The following CDC42 variants were observed in gnomAD, a reference collection of about 807,000 sequenced individuals.
CDC42 encodes cell division control protein 42 homolog.
CDC42 carries 1 observed loss-of-function variant against 20.8 expected under a neutral mutation model. That is an observed-to-expected ratio of 0.05 (90% CI 0.02 to 0.23). The LOEUF (loss-of-function observed/expected upper bound fraction) is 0.23. Ranked by LOEUF, CDC42 falls within the 10% of genes least tolerant of loss-of-function variation. The pLI is 1.00. For missense variants in CDC42, 49 were observed against 227.9 expected (o/e 0.21, Z 5.05); for synonymous variants, 72 against 84.8 (o/e 0.85, Z 0.83).
rs1404317396 is a variant in CDC42 at position 22,061,528 on chromosome 1, C to CTTTTTTTTTTTT, written c.-51+8789_-51+8790insTTTTTTTTTTTT. 7.0e-5 allele frequency among the ~76,000 whole-genome samples: 6 copies of CTTTTTTTTTTTT among 86,306 alleles called. 3 individuals carry two copies. The highest frequency in any genetic ancestry group is 1.8e-4 in the African/African-American group (4 of 22,406). 56.6% of individuals were successfully genotyped at this position (86,306 alleles called of 152,430 possible). A position where few individuals can be genotyped will look rare whatever the true frequency, so the allele number is the denominator to read the frequency against. ...GGTCAATCAGTTTAACTTCATGTTT[C>CTTTTTTTTTTTT]TTTCTTTTTTTTTTTTTTTTTTTTT... On this transcript the variant is annotated intron_variant, in intron 1 of 5. Coordinates refer to ENST00000656825, the MANE Select transcript of CDC42 (RefSeq NM_001791.4).
At position 22,099,814 on chromosome 1, in the gene CDC42, G is replaced by A. The variant is rs1645778549; in HGVS notation, c.*8297G>A. The stretch of plus-strand genomic sequence containing the variant: ...TATTCTCTACATGGCACTCTTTTAA[G>A]CCTTTGTGTGAATTAACTCAGTCTT... On this transcript the variant is annotated 3_prime_UTR_variant, in exon 6 of 6. Transcript: ENST00000656825. Among the ~76,000 whole-genome samples the A allele has an allele frequency of 6.6e-6, 1 of 151,996 alleles. No homozygotes were observed. Among genetic ancestry groups the A allele is most frequent in the African/African-American group, 2.4e-5 (1 of 41,372 alleles).
At chr1:22,055,321 G>T (rs925918669) in intron 1 of CDC42, among the ~76,000 whole-genome samples, 2 of 151,654 alleles carry the variant, frequency 1.3e-5, no homozygotes, top group Non-Finnish European at 2.9e-5. Context: ...GAATGAGCTC[G>T]TTTTCAGTAA....
chr1:22,076,715 A>C (rs1008738702), intron 1 of CDC42, among the ~76,000 whole-genome samples: 1 of 152,184 alleles, frequency 6.6e-6, no homozygotes, highest in Non-Finnish European at 1.5e-5. Context: ...TTTTAGATTT[A>C]ACCAGTAATT....
At chr1:22,075,066 C>T (rs764631897) in intron 1 of CDC42, among the ~76,000 whole-genome samples, 9 of 152,188 alleles carry the variant, frequency 5.9e-5, no homozygotes, top group Non-Finnish European at 1.5e-5. Flanking sequence ...GGTAAACTGG[C>T]TGTCATCTCT....
At chr1:22,055,624 G>C (rs1645296555) in intron 1 of CDC42, among the ~76,000 whole-genome samples, 1 of 151,788 alleles carries the variant, frequency 6.6e-6, no homozygotes, top group Non-Finnish European at 1.5e-5. Flanking sequence ...GCAGTAGCTG[G>C]GACTACGGTG....
intron 1 of CDC42, among the ~76,000 whole-genome samples, chr1:22,060,817 A>G (rs1223471193): frequency 6.6e-6 from 1 of 152,180 alleles, no homozygotes; most frequent in African/African-American, 2.4e-5. Context: ...CATTTTTATT[A>G]TAGGGTTTAA....
chr1:22,095,070 A>G lies in CDC42; in HGVS notation c.*3553A>G, dbSNP rs538519325. Among the ~76,000 whole-genome samples, 15 of 152,286 alleles carry G rather than the reference A, an allele frequency of 9.8e-5. No homozygotes were observed. In the East Asian group the frequency reaches 2.7e-3, roughly 27 times the overall value. Reference sequence around the variant, plus strand: ...TTATATAACTGTGGGGCAAGGGACAACATTTCACCAGGAAGTAGCAACTCC... The same window carrying G: ...TTATATAACTGTGGGGCAAGGGACAGCATTTCACCAGGAAGTAGCAACTCC... On this transcript the variant is annotated 3_prime_UTR_variant, in exon 6 of 6. Coordinates refer to ENST00000656825, the MANE Select transcript of CDC42 (RefSeq NM_001791.4).
At chr1:22,069,395 C>G (rs999587425) in intron 1 of CDC42, among the ~76,000 whole-genome samples, 2 of 151,996 alleles carry the variant, frequency 1.3e-5, no homozygotes, top group South Asian at 2.1e-4. Context: ...AGATTGGTCT[C>G]GAACTCCTGA....
chr1:22,073,048 T>C (rs916281633), intron 1 of CDC42, among the ~76,000 whole-genome samples: 2 of 152,202 alleles, frequency 1.3e-5, no homozygotes, highest in African/African-American at 4.8e-5. Context: ...CATTTGTAGC[T>C]GGGAGTATCC....
chr1:22,061,709 A>G (rs1158049417), intron 1 of CDC42, among the ~76,000 whole-genome samples: 2 of 149,264 alleles, frequency 1.3e-5, no homozygotes, highest in African/African-American at 2.5e-5. Flanking sequence ...ATGCCCGGCT[A>G]ATTTTTGTAT....
intron 5 of CDC42, among the ~76,000 whole-genome samples, chr1:22,089,508 A>G (rs1645694662): frequency 6.6e-6 from 1 of 152,190 alleles, no homozygotes; most frequent in African/African-American, 2.4e-5. Flanking sequence ...CACTTTTTAA[A>G]TGTCTGAACC....
rs1440827248 is a variant in CDC42 at position 22,086,556 on chromosome 1, G to C, written c.288+8G>C. ...GAAAACGTGAAAGAAAAGGTAAGCTGATCAGATACTCTTGCCCTAAGAAGA... is the reference window on the plus strand; with the variant it reads ...GAAAACGTGAAAGAAAAGGTAAGCTCATCAGATACTCTTGCCCTAAGAAGA... On this transcript the variant is annotated splice_region_variant and intron_variant, in intron 4 of 5. Transcript: ENST00000656825. The C allele has an allele frequency of 1.3e-6, 2 of 1,597,434 alleles. No individual in the cohort carries two copies. The highest frequency in any genetic ancestry group is 1.7e-6 in the Non-Finnish European group (2 of 1,165,548).
At chr1:22,059,994 A>C (rs1297678184) in intron 1 of CDC42, among the ~76,000 whole-genome samples, 1 of 152,162 alleles carries the variant, frequency 6.6e-6, no homozygotes, top group Non-Finnish European at 1.5e-5. Flanking sequence ...ACCTGTGTCC[A>C]TTCTCTGTGT....
intron 1 of CDC42, among the ~76,000 whole-genome samples, chr1:22,065,159 A>G (rs1414476332): frequency 6.6e-6 from 1 of 152,220 alleles, no homozygotes; most frequent in Non-Finnish European, 1.5e-5. Flanking sequence ...CAAGAATGGG[A>G]ATCTGAGCTT....
chr1:22,071,455 C>T (rs1158296168), intron 1 of CDC42, among the ~76,000 whole-genome samples: 1 of 152,218 alleles, frequency 6.6e-6, no homozygotes, highest in Non-Finnish European at 1.5e-5. Flanking sequence ...TTTGTTAGCA[C>T]ACTTGCATAC....
At chr1:22,054,931 T>C (rs1255764770) in intron 1 of CDC42, among the ~76,000 whole-genome samples, 1 of 9,474 alleles carries the variant, frequency 1.1e-4, no homozygotes, top group African/African-American at 4.9e-4. Flanking sequence ...ATTTTTTTTT[T>C]TTTTTTTTTT....
rs575891190 is a variant in CDC42 at position 22,062,569 on chromosome 1, A to G, written c.-51+9827A>G. Among the ~76,000 whole-genome samples the G allele has an allele frequency of 7.2e-5, 11 of 152,056 alleles. No homozygotes were observed. The East Asian group carries it at 1.7e-3, about 24-fold the overall frequency. On this transcript the variant is annotated intron_variant, in intron 1 of 5. Coordinates refer to ENST00000656825, the MANE Select transcript of CDC42 (RefSeq NM_001791.4). Reference sequence around the variant, plus strand: ...TTGTCTTTTTGGTGCATGTATAAGAACATAAGTTGCCTGATCTTAAGAGTT... The same window carrying G: ...TTGTCTTTTTGGTGCATGTATAAGAGCATAAGTTGCCTGATCTTAAGAGTT...
At chr1:22,064,742 C>A (rs561168548) in intron 1 of CDC42, among the ~76,000 whole-genome samples, 1 of 149,766 alleles carries the variant, frequency 6.7e-6, no homozygotes, top group Non-Finnish European at 1.5e-5. Flanking sequence ...AGTGCAGTGG[C>A]GCAATCTCAC....
intron 1 of CDC42, among the ~76,000 whole-genome samples, chr1:22,054,996 C>G (rs1389358175): frequency 8.9e-6 from 1 of 112,182 alleles, no homozygotes; most frequent in Non-Finnish European, 1.7e-5. Context: ...CTCTGTCTCC[C>G]AGGCTGGAGT....
Sources: gnomAD v4.1 joint callset for allele counts (sites outside exome capture counted in the v4.1 genomes callset) on GRCh38, gnomAD v4.1.1 for gene constraint, MANE v1.5 for transcripts, NCBI Gene and HGNC (gene_info 2026-07-23, HGNC 2026-07-21) for gene names.